The following CHODL variants were observed in gnomAD, a reference collection of about 807,000 sequenced individuals.
CHODL encodes transmembrane protein MT75.
A neutral mutation model predicts 34.5 loss-of-function variants in CHODL; 29 were observed. The ratio of observed to expected loss-of-function variants is 0.84; its 90% CI spans 0.63 to 1.15. The LOEUF (loss-of-function observed/expected upper bound fraction) is 1.15, where lower values mean the gene tolerates loss of function less well. Ranked by LOEUF, CHODL falls within the 50% of genes most tolerant of loss-of-function variation. The probability of loss-of-function intolerance (pLI) is 0.00; values close to 1 mark genes in which losing one functional copy is unlikely to be tolerated. For missense variants in CHODL, 332 were observed against 332.5 expected, an observed-to-expected ratio of 1.00 and a Z score of 0.01; for synonymous variants, 125 against 116.1, an observed-to-expected ratio of 1.08 and a Z score of -0.49.
intron 2 of CHODL, among the ~76,000 whole-genome samples, chr21:18,186,295 A>G (rs2073440436): frequency 6.6e-6 from 1 of 152,100 alleles, no homozygotes. Flanking sequence ...GAGACCAGGG[A>G]GAAAAACGTT....
At chr21:18,131,897 A>G (rs894915966) in intron 2 of CHODL, among the ~76,000 whole-genome samples, 1 of 152,054 alleles carries the variant, frequency 6.6e-6, no homozygotes, top group African/African-American at 2.4e-5. Context: ...TATCTTTTTT[A>G]AAAAGTTACA....
chr21:18,223,140 A>G (rs1385944436), intron 2 of CHODL, among the ~76,000 whole-genome samples: 3 of 152,224 alleles, frequency 2.0e-5, no homozygotes, highest in Non-Finnish European at 4.4e-5. Flanking sequence ...AAAACTGATC[A>G]GAAATTATGG....
intron 1 of CHODL, among the ~76,000 whole-genome samples, chr21:17,995,813 T>C (rs190177610): frequency 1.3e-5 from 2 of 152,344 alleles, no homozygotes; most frequent in East Asian, 1.9e-4. Flanking sequence ...TGCTGGAGTA[T>C]TGAGAGAAGG....
chr21:18,004,262 C>T (rs887815885), intron 1 of CHODL, among the ~76,000 whole-genome samples: 1 of 152,148 alleles, frequency 6.6e-6, no homozygotes, highest in African/African-American at 2.4e-5. Flanking sequence ...TAATAGACAA[C>T]ACTCTGTTGC....
At chr21:18,134,506 A>T (rs1004737459) in intron 2 of CHODL, among the ~76,000 whole-genome samples, 1 of 152,184 alleles carries the variant, frequency 6.6e-6, no homozygotes, top group African/African-American at 2.4e-5. Context: ...GGTAATATAG[A>T]CCTGCAACCG....
intron 2 of CHODL, among the ~76,000 whole-genome samples, chr21:18,179,004 A>G (rs1012165550): frequency 1.1e-4 from 16 of 152,172 alleles, no homozygotes; most frequent in African/African-American, 3.4e-4. Flanking sequence ...GTTTCTTGCC[A>G]GTTTTCCAAA....
chr21:18,210,381 G>C (rs138550637), intron 2 of CHODL, among the ~76,000 whole-genome samples: 205 of 152,288 alleles, frequency 1.3e-3, no homozygotes, highest in African/African-American at 3.7e-3. Context: ...TGCAGGTGGT[G>C]TTGGCAATTT....
At chr21:17,975,425 C>T (rs756572963) in intron 1 of CHODL, among the ~76,000 whole-genome samples, 20 of 152,120 alleles carry the variant, frequency 1.3e-4, no homozygotes, top group Non-Finnish European at 1.5e-4. Context: ...GCACATGTAT[C>T]CCTGAGCCTA....
At chr21:18,130,787 T>G (rs1231232325) in intron 2 of CHODL, among the ~76,000 whole-genome samples, 1 of 152,102 alleles carries the variant, frequency 6.6e-6, no homozygotes, top group African/African-American at 2.4e-5. Context: ...ATGTCATGGT[T>G]TCCACTAAAG....
chr21:18,070,030 C>CCT (rs1568870140), intron 2 of CHODL, among the ~76,000 whole-genome samples: 1 of 45,304 alleles, frequency 2.2e-5, no homozygotes, highest in Non-Finnish European at 5.6e-5. Flanking sequence ...TTCCCTCCCC[C>CCT]CCCCCACCCA....
chr21:18,030,843 T>A (rs905933042), intron 2 of CHODL, among the ~76,000 whole-genome samples: 41 of 152,274 alleles, frequency 2.7e-4, no homozygotes, highest in African/African-American at 9.6e-4. Flanking sequence ...TTTGCTACCT[T>A]AGAAAAATAG....
At chr21:17,986,890 C>T (rs757453261) in intron 1 of CHODL, among the ~76,000 whole-genome samples, 14 of 152,152 alleles carry the variant, frequency 9.2e-5, no homozygotes, top group East Asian at 3.9e-4. Flanking sequence ...TAGATACATA[C>T]GTTTTAATAG....
At chr21:18,165,333 T>A (rs1420039774) in intron 2 of CHODL, among the ~76,000 whole-genome samples, 1 of 152,274 alleles carries the variant, frequency 6.6e-6, no homozygotes, top group Non-Finnish European at 1.5e-5. Context: ...TTCTGTTTTA[T>A]AATCATGTGA....
At chr21:17,960,372 A>G (rs997518768) in intron 1 of CHODL, among the ~76,000 whole-genome samples, 1 of 152,198 alleles carries the variant, frequency 6.6e-6, no homozygotes, top group Non-Finnish European at 1.5e-5. Context: ...TGATAGATTA[A>G]ATGACTCCTC....
intron 1 of CHODL, among the ~76,000 whole-genome samples, chr21:17,958,251 C>T (rs926035364): frequency 2.0e-5 from 3 of 152,114 alleles, no homozygotes; most frequent in African/African-American, 7.2e-5. Context: ...ATTCTTTTCT[C>T]CAAATGATAG....
chr21:18,083,775 C>A (rs1226770628), intron 2 of CHODL, among the ~76,000 whole-genome samples: 1 of 152,192 alleles, frequency 6.6e-6, no homozygotes, highest in Non-Finnish European at 1.5e-5. Flanking sequence ...AAGCATTTAT[C>A]CAATGCCTGT....
chr21:18,197,483 G>C (rs1391038641), intron 2 of CHODL, among the ~76,000 whole-genome samples: 1 of 152,104 alleles, frequency 6.6e-6, no homozygotes, highest in African/African-American at 2.4e-5. Flanking sequence ...CGTGGTGGTG[G>C]TGCATGCCTG....
At chr21:18,082,898 G>A (rs2064959187) in intron 2 of CHODL, among the ~76,000 whole-genome samples, 1 of 151,172 alleles carries the variant, frequency 6.6e-6, no homozygotes, top group Admixed American at 6.6e-5. Context: ...TGAAAAATTT[G>A]CAGCCTGACC....
intron 2 of CHODL, among the ~76,000 whole-genome samples, chr21:18,050,531 G>A (rs1054522958): frequency 2.0e-5 from 3 of 151,932 alleles, no homozygotes; most frequent in Admixed American, 2.0e-4. Context: ...CAGTACAGAT[G>A]AGTGACATAG....
Sources: gnomAD v4.1 joint callset for allele counts (sites outside exome capture counted in the v4.1 genomes callset) on GRCh38, gnomAD v4.1.1 for gene constraint, MANE v1.5 for transcripts, NCBI Gene and HGNC (gene_info 2026-07-23, HGNC 2026-07-21) for gene names.